Variants in TNKS observed in about 807,000 individuals in gnomAD.
TNKS encodes the protein poly [ADP-ribose] polymerase tankyrase-1.
TNKS carries 72 observed loss-of-function variants against 135.8 expected under a neutral mutation model. The ratio of observed to expected loss-of-function variants is 0.53; its 90% CI spans 0.44 to 0.64. The LOEUF (loss-of-function observed/expected upper bound fraction) is 0.64, where lower values mean the gene tolerates loss of function less well. Among genes scored for constraint, TNKS ranks in the 30% least tolerant of loss-of-function variants. The pLI is 0.00. For synonymous variants in TNKS, 849 were observed against 649.3 expected (o/e 1.31, Z -4.68); for missense variants, 1,769 against 1,674.0 (o/e 1.06, Z -0.99).
intron 3 of TNKS, among the ~76,000 whole-genome samples, chr8:9,627,535 G>A (rs1372451211): frequency 6.6e-6 from 1 of 150,418 alleles, no homozygotes; most frequent in Non-Finnish European, 1.5e-5. Flanking sequence ...GTTGCCTGTG[G>A]CAAAATTGCT....
rs769997047 is a variant in TNKS at position 9,556,324 on chromosome 8, C to T, written c.385C>T (p.Pro129Ser). ...AGCCGGCAGTGGCAGTAACAATTCA[C>T]CGTCGTCCTCTTCTTCCCCGACTTC... ...NPAGSGSNNSPSSSSSPTSSS... is the reference protein window; with the variant it reads ...NPAGSGSNNSSSSSSSPTSSS... Residue 129 changes from proline (P) to serine (S), a missense_variant, in exon 1 of 27, where the codon CCG (proline) becomes TCG (serine). Physicochemically the swap from Pro to Ser is moderately conservative, Grantham distance 74 (BLOSUM62 -1). Around this residue, in one of 5 missense-constraint regions of TNKS, gnomAD observed 450 missense variants for 304.9 expected, o/e 1.48. Coordinates refer to ENST00000310430, the MANE Select transcript of TNKS (RefSeq NM_003747.3). The T allele has an allele frequency of 6.2e-7, 1 of 1,614,272 alleles. No homozygotes were observed. Among genetic ancestry groups the T allele is most frequent in the South Asian group, 1.1e-5 (1 of 91,092 alleles).
intron 3 of TNKS, among the ~76,000 whole-genome samples, chr8:9,661,642 C>G (rs951993481): frequency 6.6e-6 from 1 of 152,146 alleles, no homozygotes; most frequent in Non-Finnish European, 1.5e-5. Flanking sequence ...TAGAAGAAAA[C>G]CTAGGCAATA....
chr8:9,734,907 C>T lies in TNKS; in HGVS notation c.2356C>T (p.Pro786Ser), dbSNP rs764611012. The change falls in exon 16 of 27, where the codon CCT (proline) becomes TCT (serine). Residue 786 changes from proline to serine, a missense_variant. Transcript: ENST00000310430. ...PTKKNRDGNT[P>S]LDLVKEGDTD... Reference sequence around the variant, plus strand: ...TAAAAAGAACAGAGATGGAAATACACCTTTGGATTTGGTAAAGGAAGGAGA... The same window carrying T: ...TAAAAAGAACAGAGATGGAAATACATCTTTGGATTTGGTAAAGGAAGGAGA... The T allele has an allele frequency of 5.0e-6, 8 of 1,614,100 alleles. No homozygotes were observed. The highest frequency in any genetic ancestry group is 5.1e-6 in the Non-Finnish European group (6 of 1,180,016).
chr8:9,670,298 CAGG>C (rs1340461550), intron 3 of TNKS: 2 of 152,044 alleles, frequency 1.3e-5, no homozygotes, highest in African/African-American at 4.8e-5. Flanking sequence ...AAATATAAGT[CAGG>C]AGAACATTTT....
At chr8:9,680,894 C>G in intron 5 of TNKS, 94 bp downstream of exon 5, 2 of 852,490 alleles carry the variant, frequency 2.3e-6, no homozygotes, top group Non-Finnish European at 3.8e-6. Context: ...ACCTACATGG[C>G]TTTATTTTAA....
intron 3 of TNKS, among the ~76,000 whole-genome samples, chr8:9,671,920 G>C (rs533165206): frequency 3.3e-5 from 5 of 152,194 alleles, no homozygotes; most frequent in Non-Finnish European, 7.3e-5. Context: ...GATGCTCTGA[G>C]TATGGTGATG....
At chr8:9,604,006 A>G (rs1799123589) in intron 2 of TNKS, among the ~76,000 whole-genome samples, 1 of 151,976 alleles carries the variant, frequency 6.6e-6, no homozygotes, top group Admixed American at 6.5e-5. Flanking sequence ...AAAAAGAAAT[A>G]AAAAGAGGAA....
intron 5 of TNKS, among the ~76,000 whole-genome samples, chr8:9,690,695 T>G (rs933700586): frequency 2.0e-5 from 3 of 149,206 alleles, no homozygotes. Flanking sequence ...TAAATGTAAG[T>G]AAGTAAATAA....
chr8:9,616,532 A>G (rs1460698221), intron 3 of TNKS, among the ~76,000 whole-genome samples: 1 of 152,202 alleles, frequency 6.6e-6, no homozygotes, highest in Non-Finnish European at 1.5e-5. Flanking sequence ...CCCATGGTCG[A>G]AGAAAATAAA....
chr8:9,708,476 C>G lies in TNKS; in HGVS notation c.1562C>G (p.Ser521Cys), dbSNP rs1359124184. ...ATCATTAATTTCAAACAACCGCAGT[C>G]TCATGAAACAGCACTGGTAAGATTT... Reference protein sequence around the residue: ...LEIINFKQPQSHETALHCAVA... With the variant: ...LEIINFKQPQCHETALHCAVA... The change falls in exon 9 of 27, where the codon TCT becomes TGT. Residue 521 changes from serine (S) to cysteine (C), a missense_variant. Physicochemically the swap from Ser to Cys is moderately radical, Grantham distance 112 (BLOSUM62 -1). Coordinates refer to ENST00000310430, the MANE Select transcript of TNKS (RefSeq NM_003747.3). 2 of 1,605,636 alleles carry G rather than the reference C, an allele frequency of 1.2e-6. No individual in the cohort carries two copies. Among genetic ancestry groups the G allele is most frequent in the Admixed American group, 1.7e-5 (1 of 59,324 alleles).
intron 12 of TNKS, among the ~76,000 whole-genome samples, chr8:9,723,145 C>T (rs1371448309): frequency 8.9e-6 from 1 of 112,644 alleles, no homozygotes; most frequent in Non-Finnish European, 1.9e-5. Flanking sequence ...AAATTTTGCC[C>T]TCCAAAAGGT....
intron 2 of TNKS, among the ~76,000 whole-genome samples, chr8:9,606,250 G>A (rs575116283): frequency 1.4e-5 from 2 of 147,812 alleles, no homozygotes; most frequent in African/African-American, 2.5e-5. Flanking sequence ...TGCTTCCTTT[G>A]TTGAAAAGTC....
At chr8:9,672,794 G>C (rs796802639) in intron 3 of TNKS, among the ~76,000 whole-genome samples, 110 of 150,064 alleles carry the variant, frequency 7.3e-4, no homozygotes, top group African/African-American at 2.4e-3. Context: ...TTAAATAATA[G>C]TGGTTGTCCT....
chr8:9,763,779 C>G (rs954238976), intron 22 of TNKS, among the ~76,000 whole-genome samples: 1 of 152,174 alleles, frequency 6.6e-6, no homozygotes, highest in African/African-American at 2.4e-5. Context: ...CAGTGAGACT[C>G]CTGCTCCACT....
chr8:9,558,959 G>C (rs559598692), intron 1 of TNKS: 2 of 152,298 alleles, frequency 1.3e-5, no homozygotes, highest in East Asian at 3.9e-4. Flanking sequence ...TGGTTATTAT[G>C]ATAGTAATTG....
chr8:9,742,802 G>T (rs1806036931), intron 17 of TNKS, among the ~76,000 whole-genome samples: 1 of 149,072 alleles, frequency 6.7e-6, no homozygotes, highest in Admixed American at 6.7e-5. Flanking sequence ...ATATATTTAA[G>T]GATATACATG....
rs756595323 is a variant in TNKS at position 9,720,463 on chromosome 8, C to T, written c.1839C>T (p.Tyr613=). 1.9e-5 allele frequency: 31 copies of T among 1,614,038 alleles called. No homozygotes were observed. Among genetic ancestry groups the T allele is most frequent in the Middle Eastern group, 3.3e-4 (2 of 6,062 alleles). ...HLQTCRLLLS[Y]GSDPSIISLQ... ...AGACCTGCCGCCTCCTGCTGAGTTACGGCTCTGACCCCTCCATCATCTCCT... is the reference window on the plus strand; with the variant it reads ...AGACCTGCCGCCTCCTGCTGAGTTATGGCTCTGACCCCTCCATCATCTCCT... The change falls in exon 12 of 27, where the codon TAC becomes TAT. Residue 613 remains tyrosine (Y), a synonymous_variant. Transcript: ENST00000310430.
At chr8:9,610,114 T>A (rs4320547) in intron 2 of TNKS, among the ~76,000 whole-genome samples, 2 of 151,916 alleles carry the variant, frequency 1.3e-5, no homozygotes, top group East Asian at 3.9e-4. Flanking sequence ...ACCTCAGCCT[T>A]CCAAAGTGCT....
At chr8:9,590,643 T>G (rs1479732163) in intron 2 of TNKS, among the ~76,000 whole-genome samples, 1 of 152,214 alleles carries the variant, frequency 6.6e-6, no homozygotes, top group East Asian at 1.9e-4. Context: ...TCAGTGTGGT[T>G]TTAATTGCAT....
Sources: allele counts gnomAD v4.1 joint callset (sites outside exome capture counted in the v4.1 genomes callset), GRCh38; gene constraint gnomAD v4.1.1; regional missense constraint gnomAD v4.1.1; transcripts MANE v1.5; gene names NCBI Gene and HGNC (gene_info 2026-07-23, HGNC 2026-07-21).